The following MAGI2 variants were observed in gnomAD, a reference collection of about 807,000 sequenced individuals.
MAGI2 encodes membrane-associated guanylate kinase, WW and PDZ domain-containing protein 2.
MAGI2 carries 35 observed loss-of-function variants against 133.3 expected under a neutral mutation model. The observed-to-expected ratio is 0.26, with a 90% CI of 0.20 to 0.35. The LOEUF is 0.35. Ranked by LOEUF, MAGI2 falls within the 10% of genes least tolerant of loss-of-function variation. The probability of loss-of-function intolerance (pLI) is 1.00; values close to 1 mark genes in which losing one functional copy is unlikely to be tolerated. For missense variants in MAGI2, 1,636 were observed against 1,863.4 expected, an observed-to-expected ratio of 0.88 and a Z score of 2.25; for synonymous variants, 729 against 710.6, an observed-to-expected ratio of 1.03 and a Z score of -0.41.
intron 1 of MAGI2, among the ~76,000 whole-genome samples, chr7:79,158,806 T>A (rs995375973): frequency 2.0e-5 from 3 of 152,046 alleles, no homozygotes; most frequent in Non-Finnish European, 4.4e-5. Flanking sequence ...ATCAGGTAAA[T>A]GGAATAAATG....
intron 6 of MAGI2, among the ~76,000 whole-genome samples, chr7:78,397,301 C>T (rs987899646): frequency 9.3e-5 from 14 of 151,344 alleles, no homozygotes; most frequent in Admixed American, 4.6e-4. Flanking sequence ...AATACACTGG[C>T]GTCAAGGTGG....
chr7:79,051,946 G>T (rs541947633), intron 1 of MAGI2, among the ~76,000 whole-genome samples: 1 of 152,130 alleles, frequency 6.6e-6, no homozygotes, highest in East Asian at 1.9e-4. Context: ...ATGTCTCAGA[G>T]ATTTTTTTGT....
chr7:78,494,099 C>A (rs1279531312), intron 5 of MAGI2, among the ~76,000 whole-genome samples: 7 of 152,038 alleles, frequency 4.6e-5, no homozygotes. Flanking sequence ...GCCTCAGCCT[C>A]CCAAGTAGCT....
rs551402542 is a variant in MAGI2, at chr7:79,180,893, C to T, written c.302-173687G>A. ...CAAAACAAAAGGGGTACAGGCCCCA[C>T]GCAAGTCCAAAATCTAGCAGGGCTG... On this transcript the variant is annotated intron_variant, in intron 1 of 21. Transcript: ENST00000354212. 7.8e-4 allele frequency among the ~76,000 whole-genome samples: 118 copies of T among 152,012 alleles called. 1 individual carries two copies. The highest frequency in any genetic ancestry group is 2.7e-3 in the African/African-American group (113 of 41,392).
chr7:79,049,390 G>A (rs1584788804), intron 1 of MAGI2, among the ~76,000 whole-genome samples: 1 of 152,060 alleles, frequency 6.6e-6, no homozygotes, highest in Non-Finnish European at 1.5e-5. Context: ...GATGAAAGCT[G>A]GTGAGGAAAT....
At position 79,103,098 on chromosome 7, in the gene MAGI2, G is replaced by A. The variant is rs57001306; in HGVS notation, c.302-95892C>T. Reference sequence around the variant, plus strand: ...TCTTAAATTGATTCCTTACAATCAAGCTCTTAAACTACATACCTCCTACTG... The same window carrying A: ...TCTTAAATTGATTCCTTACAATCAAACTCTTAAACTACATACCTCCTACTG... On this transcript the variant is annotated intron_variant, in intron 1 of 21. Transcript: ENST00000354212. Among the ~76,000 whole-genome samples, 1,105 of 152,268 alleles carry A rather than the reference G, an allele frequency of 7.3e-3. 19 individuals are homozygous for A. Among genetic ancestry groups the A allele is most frequent in the African/African-American group, 0.025 (1,055 of 41,552 alleles).
intron 2 of MAGI2, among the ~76,000 whole-genome samples, chr7:78,808,206 T>C (rs1314029510): frequency 6.6e-6 from 1 of 152,190 alleles, no homozygotes; most frequent in African/African-American, 2.4e-5. Flanking sequence ...CTGGTGGATA[T>C]TTTCAAGGAG....
At chr7:78,427,824 C>T (rs188605027) in intron 6 of MAGI2, among the ~76,000 whole-genome samples, 1 of 152,124 alleles carries the variant, frequency 6.6e-6, no homozygotes, top group East Asian at 1.9e-4. Context: ...AATGTTTTTA[C>T]ACAACTTTTG....
intron 2 of MAGI2, among the ~76,000 whole-genome samples, chr7:78,677,202 A>G (rs2151086723): frequency 6.6e-6 from 1 of 152,106 alleles, no homozygotes; most frequent in East Asian, 1.9e-4. Flanking sequence ...TATCAGTCAT[A>G]CTGCTTTGCT....
intron 6 of MAGI2, among the ~76,000 whole-genome samples, chr7:78,445,528 C>A (rs1378527326): frequency 6.6e-6 from 1 of 152,054 alleles, no homozygotes; most frequent in African/African-American, 2.4e-5. Context: ...ATACAAAATA[C>A]TTGGGTCAAA....
intron 10 of MAGI2, among the ~76,000 whole-genome samples, chr7:78,239,543 A>G (rs890216389): frequency 7.4e-6 from 1 of 135,784 alleles, no homozygotes; most frequent in Non-Finnish European, 1.7e-5. Context: ...ATATATAAGG[A>G]ACTCAAATAA....
chr7:78,038,489 A>G (rs1810470983), intron 21 of MAGI2, among the ~76,000 whole-genome samples: 1 of 152,236 alleles, frequency 6.6e-6, no homozygotes, highest in Non-Finnish European at 1.5e-5. Context: ...TAAAATTTGC[A>G]GGAAAAAATT....
chr7:79,446,836 C>T (rs1848885762), intron 1 of MAGI2, among the ~76,000 whole-genome samples: 1 of 152,128 alleles, frequency 6.6e-6, no homozygotes, highest in African/African-American at 2.4e-5. Context: ...CCTGTAGTCC[C>T]AGCTACTCAG....
intron 2 of MAGI2, among the ~76,000 whole-genome samples, chr7:78,787,392 G>T (rs1247223068): frequency 6.6e-6 from 1 of 152,166 alleles, no homozygotes; most frequent in Non-Finnish European, 1.5e-5. Context: ...TGCTTTGGGA[G>T]TATCTCATTA....
intron 2 of MAGI2, among the ~76,000 whole-genome samples, chr7:78,820,291 GATAC>G (rs917686383): frequency 1.4e-4 from 21 of 151,838 alleles, no homozygotes; most frequent in Admixed American, 8.5e-4. Context: ...AATTAGGGGA[GATAC>G]ATAAATATAT....
At chr7:78,460,561 G>A (rs553402318) in intron 6 of MAGI2, among the ~76,000 whole-genome samples, 24 of 152,316 alleles carry the variant, frequency 1.6e-4, no homozygotes, top group African/African-American at 5.8e-4. Context: ...CACTGAGAAT[G>A]ACAGTGTGGT....
At chr7:78,602,772 A>G (rs1418001867) in intron 3 of MAGI2, among the ~76,000 whole-genome samples, 1 of 152,232 alleles carries the variant, frequency 6.6e-6, no homozygotes, top group Non-Finnish European at 1.5e-5. Context: ...GATCATTTAA[A>G]TAGAAAAACC....
chr7:78,939,518 G>A (rs1313471922), intron 2 of MAGI2, among the ~76,000 whole-genome samples: 1 of 152,112 alleles, frequency 6.6e-6, no homozygotes, highest in Non-Finnish European at 1.5e-5. Flanking sequence ...AGTTGTAAAG[G>A]CTCATTGCTC....
chr7:78,919,768 T>C (rs559504572), intron 2 of MAGI2, among the ~76,000 whole-genome samples: 1 of 152,272 alleles, frequency 6.6e-6, no homozygotes, highest in African/African-American at 2.4e-5. Flanking sequence ...GACCTATTAA[T>C]TGTATGCAAA....
Sources: gnomAD v4.1 joint callset for allele counts (sites outside exome capture counted in the v4.1 genomes callset) on GRCh38, gnomAD v4.1.1 for gene constraint, MANE v1.5 for transcripts, NCBI Gene and HGNC (gene_info 2026-07-23, HGNC 2026-07-21) for gene names.